The following TCF20 variants were observed in gnomAD, a reference collection of about 807,000 sequenced individuals.
The protein encoded by TCF20 is transcription factor 20.
In TCF20, 3 loss-of-function variants were observed where a neutral mutation model predicts 148.6. That is an observed-to-expected ratio of 0.02 (90% CI 0.01 to 0.05). The LOEUF is 0.05. Among genes scored for constraint, TCF20 ranks in the 10% least tolerant of loss-of-function variants. TCF20 has a pLI of 1.00. For missense variants in TCF20, 2,350 were observed against 2,429.3 expected, an observed-to-expected ratio of 0.97 and a Z score of 0.69; for synonymous variants, 1,049 against 909.5, an observed-to-expected ratio of 1.15 and a Z score of -2.76.
rs928621011 is a variant in TCF20 at position 42,338,420 on chromosome 22, A to AG, written c.-37+5058dup. ...GCTTAAATGGCAGCGCAGAGTCGGGAGGGGGGTGCCCAGGGGGCCTCAGCA... is the reference window on the plus strand; with the variant it reads ...GCTTAAATGGCAGCGCAGAGTCGGGAGGGGGGGTGCCCAGGGGGCCTCAGCA... On this transcript the variant is annotated intron_variant, in intron 1 of 1. Transcript: ENST00000515426. This position sits in a 1 kb window ranked among gnomAD's most constrained non-coding sequence, Gnocchi z 4.0. Among the ~76,000 whole-genome samples, 4 of 11,938 alleles carry AG rather than the reference A, an allele frequency of 3.4e-4. No homozygotes were observed. Among genetic ancestry groups the AG allele is most frequent in the African/African-American group, 1.2e-3 (3 of 2,438 alleles). 7.8% of individuals were successfully genotyped at this position (11,938 alleles called of 152,430 possible).
intron 1 of TCF20, among the ~76,000 whole-genome samples, chr22:42,335,864 C>T (rs991469835): frequency 1.3e-5 from 2 of 152,200 alleles, no homozygotes; most frequent in African/African-American, 2.4e-5. Context: ...CTGCCCAAAC[C>T]AGCAACGAGC....
At chr22:42,163,562 A>G (rs1935592732) in intron 5 of TCF20, among the ~76,000 whole-genome samples, 1 of 152,180 alleles carries the variant, frequency 6.6e-6, no homozygotes, top group African/African-American at 2.4e-5. Flanking sequence ...GATCTGCCTG[A>G]CCCCCATCTT....
intron 1 of TCF20, among the ~76,000 whole-genome samples, chr22:42,246,973 T>TAA (rs745840080): frequency 1.8e-4 from 11 of 59,914 alleles, no homozygotes; most frequent in African/African-American, 3.2e-4. Context: ...CTCAAAAAAT[T>TAA]AAAAAAAAAA....
At chr22:42,171,260 A>G (rs904285205) in intron 3 of TCF20, among the ~76,000 whole-genome samples, 1 of 152,182 alleles carries the variant, frequency 6.6e-6, no homozygotes, top group Non-Finnish European at 1.5e-5. Flanking sequence ...ATAAATATTG[A>G]TAACACATTC....
intron 3 of TCF20, among the ~76,000 whole-genome samples, chr22:42,177,493 C>T (rs2147086287): frequency 6.6e-6 from 1 of 152,214 alleles, no homozygotes; most frequent in Middle Eastern, 3.4e-3. Context: ...GGGAAAACAC[C>T]CACTGAAGGG....
chr22:42,298,549 C>T (rs937553900), intron 1 of TCF20, among the ~76,000 whole-genome samples: 2 of 152,168 alleles, frequency 1.3e-5, no homozygotes, highest in Admixed American at 1.3e-4. Flanking sequence ...GGCCTGGGTC[C>T]CAGCCCTGCT....
chr22:42,217,038 C>T (rs1245100814), intron 1 of TCF20, among the ~76,000 whole-genome samples: 1 of 152,206 alleles, frequency 6.6e-6, no homozygotes, highest in Non-Finnish European at 1.5e-5. Flanking sequence ...TTTCCTAGTT[C>T]CCCTGAAGGG....
chr22:42,217,380 C>G (rs1403746104), intron 1 of TCF20, among the ~76,000 whole-genome samples: 2 of 152,202 alleles, frequency 1.3e-5, no homozygotes, highest in Non-Finnish European at 2.9e-5. Context: ...CTAGTAAAAA[C>G]AGCCAGCTCC....
At chr22:42,258,272 C>A (rs370391464) in intron 1 of TCF20, among the ~76,000 whole-genome samples, 111 of 152,126 alleles carry the variant, frequency 7.3e-4, no homozygotes, top group African/African-American at 2.1e-3. Flanking sequence ...ACCTCCCCCC[C>A]CTTCCCTAGG....
rs566061452 is a variant in TCF20, at chr22:42,308,144, C to T, written c.-37+35335G>A. On this transcript the variant is annotated intron_variant, in intron 1 of 1. Coordinates refer to the TCF20 transcript ENST00000515426. ...AAACATGTATTAAGTGTCTATAATG[C>T]GTGGAGCCCTGGTCTGGTAGCTGGG... 4.6e-5 allele frequency among the ~76,000 whole-genome samples: 7 copies of T among 152,102 alleles called. No homozygotes were observed. The East Asian group carries it at 7.7e-4, about 17-fold the overall frequency.
intron 1 of TCF20, among the ~76,000 whole-genome samples, chr22:42,315,992 G>A (rs1355321727): frequency 1.3e-5 from 2 of 150,604 alleles, no homozygotes; most frequent in African/African-American, 2.4e-5. Context: ...GTGCATGCCT[G>A]TAATCCAGGT....
intron 2 of TCF20, among the ~76,000 whole-genome samples, chr22:42,204,923 A>T (rs535571817): frequency 2.0e-5 from 3 of 152,166 alleles, no homozygotes; most frequent in Non-Finnish European, 2.9e-5. Flanking sequence ...AAAGATTAAA[A>T]GTTTCCCAAG....
At chr22:42,199,300 C>G (rs1284502033) in intron 2 of TCF20, among the ~76,000 whole-genome samples, 1 of 152,178 alleles carries the variant, frequency 6.6e-6, no homozygotes, top group Admixed American at 6.5e-5. Context: ...TCTGCCTTTT[C>G]CCATGTTTCT....
intron 1 of TCF20, among the ~76,000 whole-genome samples, chr22:42,250,792 T>C (rs902581210): frequency 6.6e-5 from 10 of 152,210 alleles, no homozygotes; most frequent in African/African-American, 2.4e-4. Flanking sequence ...TTTAATTGGC[T>C]TACAGTTCTG....
At chr22:42,251,220 CAA>C (rs935481359) in intron 1 of TCF20, among the ~76,000 whole-genome samples, 1 of 152,142 alleles carries the variant, frequency 6.6e-6, no homozygotes, top group African/African-American at 2.4e-5. Flanking sequence ...TTATTGAAGA[CAA>C]AGTCTTGCTC....
At chr22:42,314,539 C>T (rs1055225426) in intron 1 of TCF20, among the ~76,000 whole-genome samples, 3 of 152,198 alleles carry the variant, frequency 2.0e-5, no homozygotes, top group African/African-American at 7.2e-5. Context: ...TTCCCAGAGC[C>T]GGGGAGCTAG....
chr22:42,178,206 T>A (rs1309293323), intron 3 of TCF20, among the ~76,000 whole-genome samples: 1 of 152,202 alleles, frequency 6.6e-6, no homozygotes, highest in African/African-American at 2.4e-5. Context: ...CATGTGGCTG[T>A]TCATCTGCAT....
chr22:42,334,161 C>T (rs748847821), intron 1 of TCF20, among the ~76,000 whole-genome samples: 1 of 152,186 alleles, frequency 6.6e-6, no homozygotes, highest in African/African-American at 2.4e-5. Context: ...CTTGGGTGGC[C>T]TTGGGAAATC....
intron 1 of TCF20, among the ~76,000 whole-genome samples, chr22:42,250,558 C>T (rs142213080): frequency 7.2e-4 from 110 of 151,930 alleles, no homozygotes; most frequent in African/African-American, 2.6e-3. Context: ...AGACTGCACA[C>T]ACAGTGATGA....
Sources: allele counts gnomAD v4.1 joint callset (sites outside exome capture counted in the v4.1 genomes callset), GRCh38; gene constraint gnomAD v4.1.1; non-coding constraint Gnocchi (gnomAD v3.1); transcripts MANE v1.5; gene names NCBI Gene and HGNC (gene_info 2026-07-23, HGNC 2026-07-21).